Variants in ARMH3 observed in about 807,000 individuals in gnomAD.
ARMH3 encodes armadillo like helical domain containing 3, also known as armadillo-like helical domain-containing protein 3.
In ARMH3, 60 loss-of-function variants were observed where a neutral mutation model predicts 99.1. That is an observed-to-expected ratio of 0.61 (90% confidence interval 0.49 to 0.75). ARMH3 has a LOEUF of 0.75. Ranked by LOEUF, ARMH3 falls within the 30% of genes least tolerant of loss-of-function variation. The probability of loss-of-function intolerance (pLI) is 0.00; values close to 1 mark genes in which losing one functional copy is unlikely to be tolerated. For synonymous variants in ARMH3, 285 were observed against 292.8 expected (o/e 0.97, Z 0.27); for missense variants, 679 against 843.1 (o/e 0.81, Z 2.41).
chr10:101,989,912 G>A (rs1311919114), intron 19 of ARMH3, among the ~76,000 whole-genome samples: 3 of 152,158 alleles, frequency 2.0e-5, no homozygotes, highest in African/African-American at 7.2e-5. Context: ...CCTACCTAAT[G>A]CGAAAGCTCA....
At chr10:101,966,175 G>A (rs1262641941) in intron 20 of ARMH3, among the ~76,000 whole-genome samples, 3 of 146,014 alleles carry the variant, frequency 2.1e-5, no homozygotes, top group Admixed American at 1.4e-4. Context: ...GTGCAATCCC[G>A]GCTCACTGCA....
intron 8 of ARMH3, among the ~76,000 whole-genome samples, chr10:102,016,269 AC>A (rs2066749592): frequency 6.6e-6 from 1 of 152,238 alleles, no homozygotes; most frequent in Non-Finnish European, 1.5e-5. Flanking sequence ...TCCAATGAGC[AC>A]TTCCTTTGAG....
chr10:101,941,567 C>A (rs141598280), intron 22 of ARMH3, among the ~76,000 whole-genome samples: 2 of 152,192 alleles, frequency 1.3e-5, no homozygotes, highest in African/African-American at 4.8e-5. Context: ...CATCTGGCTG[C>A]TCTACGTCTG....
intron 2 of ARMH3, among the ~76,000 whole-genome samples, chr10:102,037,610 G>A (rs2136232662): frequency 6.6e-6 from 1 of 152,060 alleles, no homozygotes; most frequent in South Asian, 2.1e-4. Context: ...TTCTCACTCT[G>A]TCACCCAGGC....
rs992771023 is a variant in ARMH3, at chr10:102,033,467, G to A, written c.103-128C>T. ...TGGAATCTCGCTGTCGCCCAGGCTG[G>A]AGTACAGTGGCGTGATCTCGGCTCA... is the stretch of plus-strand genomic sequence containing the variant. On this transcript the variant is annotated intron_variant, in intron 2 of 25. Coordinates refer to ENST00000370033, the MANE Select transcript of ARMH3 (RefSeq NM_024541.3). The A allele has an allele frequency of 3.9e-6, 4 of 1,025,568 alleles. No homozygotes were observed. The African/African-American group carries it at 6.5e-5, about 17-fold the overall frequency. 63.5% of individuals were successfully genotyped at this position (1,025,568 alleles called of 1,614,324 possible).
At chr10:101,964,111 C>T (rs183576004) in intron 20 of ARMH3, among the ~76,000 whole-genome samples, 25 of 152,274 alleles carry the variant, frequency 1.6e-4, no homozygotes, top group Admixed American at 1.4e-3. Context: ...CTCCTGACCT[C>T]GTGATCCGCC....
chr10:101,980,445 C>T (rs954047414), intron 19 of ARMH3, among the ~76,000 whole-genome samples: 2 of 152,060 alleles, frequency 1.3e-5, no homozygotes, highest in Non-Finnish European at 2.9e-5. Context: ...ATTACAGATG[C>T]CTGCCACCAT....
chr10:101,896,231 AAAAC>A (rs142465399), intron 23 of ARMH3, among the ~76,000 whole-genome samples: 32,894 of 151,686 alleles, frequency 0.22, 4,040 homozygotes, highest in Non-Finnish European at 0.29. Context: ...CCCTGTCTCA[AAAAC>A]AAACAAACAA....
At chr10:101,896,624 G>A (rs2067842813) in intron 23 of ARMH3, among the ~76,000 whole-genome samples, 1 of 152,190 alleles carries the variant, frequency 6.6e-6, no homozygotes, top group African/African-American at 2.4e-5. Flanking sequence ...TGAGCAAGCT[G>A]CTTTCTCCAA....
At chr10:101,959,100 T>C (rs1001397920) in intron 20 of ARMH3, among the ~76,000 whole-genome samples, 5 of 152,210 alleles carry the variant, frequency 3.3e-5, no homozygotes, top group Admixed American at 2.6e-4. Context: ...AGGCAAATGA[T>C]AGGCAGCTGG....
intron 1 of ARMH3, among the ~76,000 whole-genome samples, chr10:102,041,118 T>C (rs1054921466): frequency 1.5e-5 from 2 of 137,196 alleles, no homozygotes; most frequent in Non-Finnish European, 3.2e-5. Flanking sequence ...TATATGTAGG[T>C]AAAACACTAT....
chr10:101,999,540 C>T (rs1457244083), intron 15 of ARMH3, among the ~76,000 whole-genome samples: 1 of 151,942 alleles, frequency 6.6e-6, no homozygotes, highest in Non-Finnish European at 1.5e-5. Flanking sequence ...TCTGTAGGTA[C>T]CAAAAGAAAT....
At chr10:101,995,217 C>T (rs1847000303) in intron 16 of ARMH3, 80 bp downstream of exon 16, 3 of 1,200,002 alleles carry the variant, frequency 2.5e-6, no homozygotes, top group Admixed American at 2.0e-5. Context: ...TGTCATGAGA[C>T]AGTAATGGGG....
chr10:101,995,323 G>C lies in ARMH3; in HGVS notation c.1183C>G (p.Leu395Val), dbSNP rs1299511952. ...EHRLHSGKLC[L>V]IILTCIAEDQ... ...TCTGCAATACATGTAAGGATAATCA[G>C]ACAGAGTTTGCCACTGTGAAGCCTG... is the stretch of plus-strand genomic sequence containing the variant. Residue 395 changes from leucine to valine, a missense_variant, in exon 16 of 26, where the codon CTG becomes GTG. This residue lies in a region of ARMH3 where 389 missense variants were observed against 456.5 expected (regional missense o/e 0.85). Transcript: ENST00000370033. 6.2e-7 allele frequency: 1 copy of C among 1,613,962 alleles called. No individual in the cohort carries two copies. Among genetic ancestry groups the C allele is most frequent in the Admixed American group, 1.7e-5 (1 of 59,994 alleles).
chr10:101,938,133 G>A (rs1202611490), intron 23 of ARMH3, among the ~76,000 whole-genome samples: 1 of 152,078 alleles, frequency 6.6e-6, no homozygotes, highest in Non-Finnish European at 1.5e-5. Context: ...CCTCCCAAAG[G>A]GCCAGGATTA....
chr10:102,001,915 G>A, intron 15 of ARMH3, 56 bp downstream of exon 15: 2 of 1,468,326 alleles, frequency 1.4e-6, no homozygotes, highest in Non-Finnish European at 1.9e-6. Context: ...GCTCTTTGAT[G>A]CTAGCTGCCT....
At chr10:102,048,901 G>A (rs11191197) in intron 1 of ARMH3, among the ~76,000 whole-genome samples, 1,572 of 152,190 alleles carry the variant, frequency 0.01, 29 homozygotes, top group African/African-American at 0.032. Context: ...CATACTACCT[G>A]GAGGTAAACA....
At chr10:101,926,606 T>C (rs1054236352) in intron 23 of ARMH3, among the ~76,000 whole-genome samples, 4 of 152,232 alleles carry the variant, frequency 2.6e-5, no homozygotes, top group Middle Eastern at 6.8e-3. Context: ...TTAAGTACCC[T>C]AGATATAGAA....
chr10:101,982,038 A>AC (rs1193542969), intron 19 of ARMH3, among the ~76,000 whole-genome samples: 2 of 150,946 alleles, frequency 1.3e-5, no homozygotes, highest in Admixed American at 6.6e-5. Flanking sequence ...AAAAAAAAAA[A>AC]AAAAAACAAA....
Sources: allele counts gnomAD v4.1 joint callset (sites outside exome capture counted in the v4.1 genomes callset), GRCh38; gene constraint gnomAD v4.1.1; regional missense constraint gnomAD v4.1.1; transcripts MANE v1.5; gene names NCBI Gene and HGNC (gene_info 2026-07-23, HGNC 2026-07-21).